The following RANBP2 variants were observed in gnomAD, a reference collection of about 807,000 sequenced individuals.
RANBP2 encodes E3 SUMO-protein ligase RanBP2.
Under a neutral mutation model 303.6 loss-of-function variants are expected in RANBP2, and 57 were observed. That is an observed-to-expected ratio of 0.19 (90% CI 0.15 to 0.23). The LOEUF (loss-of-function observed/expected upper bound fraction) is 0.23. Among genes scored for constraint, RANBP2 ranks in the 10% least tolerant of loss-of-function variants. The pLI, the probability that RANBP2 is intolerant of heterozygous loss-of-function variation, is 1.00. For missense variants in RANBP2, 3,138 were observed against 3,780.8 expected (o/e 0.83, Z 4.46); for synonymous variants, 1,167 against 1,301.5 (o/e 0.90, Z 2.23).
chr2:109,503,259 A>G, the RANBP2 span: 2 of 152,204 alleles, frequency 1.3e-5, no homozygotes, highest in East Asian at 3.9e-4. Flanking sequence ...TGAAGAAACT[A>G]GCCTTTGGTA....
At chr2:108,774,167 C>T (rs550611409) in intron 23 of RANBP2, among the ~76,000 whole-genome samples, 11 of 152,282 alleles carry the variant, frequency 7.2e-5, no homozygotes, top group Admixed American at 5.2e-4. Context: ...TGCATTCCAG[C>T]GTAAACCTCA....
At chr2:109,496,461 A>T in the RANBP2 span, among the ~76,000 whole-genome samples, 1 of 152,248 alleles carries the variant, frequency 6.6e-6, no homozygotes, top group African/African-American at 2.4e-5. Flanking sequence ...CAGGAAGTCC[A>T]GCTGGCTTCA....
chr2:108,938,500 T>G, the RANBP2 span, among the ~76,000 whole-genome samples: 8 of 152,342 alleles, frequency 5.3e-5, no homozygotes, highest in South Asian at 1.5e-3. Context: ...GAAAATAACG[T>G]GGCTTGCAAA....
At chr2:108,726,148 C>T (rs995358009) in intron 1 of RANBP2, among the ~76,000 whole-genome samples, 22 of 152,096 alleles carry the variant, frequency 1.4e-4, no homozygotes, top group African/African-American at 3.9e-4. Context: ...AAATTGCAAA[C>T]GGTTCTGAAT....
chr2:108,725,146 A>G (rs1313659538), intron 1 of RANBP2, among the ~76,000 whole-genome samples: 2 of 152,070 alleles, frequency 1.3e-5, no homozygotes, highest in African/African-American at 4.8e-5. Context: ...GCTTAAGTGA[A>G]TTCAGGTATT....
chr2:109,629,203 A>AAAAT, the RANBP2 span, among the ~76,000 whole-genome samples: 1,960 of 118,372 alleles, frequency 0.017, 88 homozygotes, highest in African/African-American at 0.053. Flanking sequence ...CTCCGTCTCA[A>AAAAT]AAATAAATAA....
At chr2:109,593,947 A>C in the RANBP2 span, among the ~76,000 whole-genome samples, 1 of 152,196 alleles carries the variant, frequency 6.6e-6, no homozygotes, top group South Asian at 2.1e-4. Context: ...AATCCTTACA[A>C]TACATCTGAG....
the RANBP2 span, among the ~76,000 whole-genome samples, chr2:109,392,786 A>AT: frequency 1.1e-4 from 17 of 152,164 alleles, no homozygotes; most frequent in South Asian, 3.3e-3. Flanking sequence ...AAGTGCTGAG[A>AT]TTACAGGCGT....
At chr2:109,380,958 G>A in the RANBP2 span, among the ~76,000 whole-genome samples, 1 of 152,252 alleles carries the variant, frequency 6.6e-6, no homozygotes, top group Non-Finnish European at 1.5e-5. Flanking sequence ...ATGTAGACCA[G>A]CAGGAGTCGT....
the RANBP2 span, among the ~76,000 whole-genome samples, chr2:109,316,240 C>G: frequency 6.6e-6 from 1 of 152,338 alleles, no homozygotes; most frequent in Non-Finnish European, 1.5e-5. Context: ...CGCAGCAGAT[C>G]TGCACAGCTC....
Position 108,772,489 on chromosome 2 carries a change from A to G in RANBP2, c.8021A>G (p.Asp2674Gly), listed in dbSNP as rs757053020. 1.3e-5 allele frequency: 21 copies of G among 1,611,932 alleles called. No individual in the cohort carries two copies. Among genetic ancestry groups the G allele is most frequent in the South Asian group, 3.3e-5 (3 of 90,970 alleles). The change falls in exon 22 of 29, where the codon GAT becomes GGT. Residue 2674 changes from aspartate (D) to glycine (G), a missense_variant and splice_region_variant. Asp to Gly is a moderately conservative substitution (Grantham distance 94, BLOSUM62 -1). Around this residue, in one of 20 missense-constraint regions of RANBP2, gnomAD observed 497 missense variants for 465.8 expected, o/e 1.07. Transcript: ENST00000283195. ...PDYVSEEEEDDEDFETAVKKL... is the reference protein window; with the variant it reads ...PDYVSEEEEDGEDFETAVKKL... ...TTCTTTTAATCAATTGTATTTTAAG[A>G]TGAAGATTTCGAAACAGCTGTCAAG...
At chr2:109,452,931 CGGGAGGCTGGTGCCGGGAGGCTGGTCCCT>C in the RANBP2 span, among the ~76,000 whole-genome samples, 2 of 148,534 alleles carry the variant, frequency 1.3e-5, no homozygotes, top group Non-Finnish European at 3.0e-5. Flanking sequence ...AGGCTGGTCC[CGGGAGGCTGGTGCCGGGAGGCTGGTCCCT>C]GGGAGGCTGG....
the RANBP2 span, among the ~76,000 whole-genome samples, chr2:109,222,079 A>G: frequency 1.3e-5 from 2 of 152,192 alleles, no homozygotes; most frequent in African/African-American, 2.4e-5. Context: ...GTTATGGTAA[A>G]TGAAACAAGC....
the RANBP2 span, chr2:109,585,074 G>A: frequency 1.8e-5 from 21 of 1,148,818 alleles, no homozygotes; most frequent in Non-Finnish European, 2.4e-5. Context: ...GCTATAAGGC[G>A]AATGTCTTGA....
Position 108,763,793 on chromosome 2 carries a change from A to G in RANBP2, c.3254A>G (p.Lys1085Arg), listed in dbSNP as rs1447229212. ...PLQGDGYSGA[K>R]PIPGGQTIGP... ...CAAGGAGATGGCTATAGTGGAGCCA[A>G]ACCAATTCCTGGTGGTCAAACCATT... is the stretch of plus-strand genomic sequence containing the variant. The change falls in exon 20 of 29, where the codon AAA becomes AGA. Residue 1085 changes from lysine (K) to arginine (R), a missense_variant. Lys to Arg is a conservative substitution (Grantham distance 26). This residue lies in a region of RANBP2 where 403 missense variants were observed against 376.7 expected (regional missense o/e 1.07). Coordinates refer to ENST00000283195, the MANE Select transcript of RANBP2 (RefSeq NM_006267.5). 1.2e-6 allele frequency: 2 copies of G among 1,614,110 alleles called. No individual in the cohort carries two copies. Among genetic ancestry groups the G allele is most frequent in the Non-Finnish European group, 1.7e-6 (2 of 1,179,996 alleles).
Position 108,763,301 on chromosome 2 carries a change from T to A in RANBP2, c.2762T>A (p.Met921Lys), listed in dbSNP as rs560817931. The A allele has an allele frequency of 6.2e-7, 1 of 1,613,964 alleles. No individual in the cohort carries two copies. Among genetic ancestry groups the A allele is most frequent in the South Asian group, 1.1e-5 (1 of 91,080 alleles). Residue 921 changes from methionine (M) to lysine (K), a missense_variant, in exon 20 of 29, where the codon ATG becomes AAG. Physicochemically the swap from Met to Lys is moderately conservative, Grantham distance 95. Coordinates refer to ENST00000283195, the MANE Select transcript of RANBP2 (RefSeq NM_006267.5). The stretch of plus-strand genomic sequence containing the variant: ...CATATTTATGCCTATCCGCAACAGA[T>A]GCACACACCGCCAGTGCAAAGCTCA... Reference protein sequence around the residue: ...QQHIYAYPQQMHTPPVQSSSA... With the variant: ...QQHIYAYPQQKHTPPVQSSSA...
At chr2:109,534,269 CTCA>C in the RANBP2 span, among the ~76,000 whole-genome samples, 1 of 152,266 alleles carries the variant, frequency 6.6e-6, no homozygotes, top group South Asian at 2.1e-4. Flanking sequence ...AGGTGCAATT[CTCA>C]TCTAGCTCTG....
intron 21 of RANBP2, 91 bp from the exon 22 acceptor site, chr2:108,772,398 G>C: frequency 1.1e-6 from 1 of 951,184 alleles, no homozygotes. Context: ...CAGATGTGGA[G>C]AGTGAGAAAT....
the RANBP2 span, among the ~76,000 whole-genome samples, chr2:109,429,711 C>T: frequency 6.6e-6 from 1 of 152,222 alleles, no homozygotes; most frequent in African/African-American, 2.4e-5. Context: ...CATGCGTGAC[C>T]ATGGACAGAA....
Sources: gnomAD v4.1 joint callset for allele counts (sites outside exome capture counted in the v4.1 genomes callset) on GRCh38, gnomAD v4.1.1 for gene constraint, gnomAD v4.1.1 regional missense constraint, MANE v1.5 for transcripts, NCBI Gene and HGNC (gene_info 2026-07-23, HGNC 2026-07-21) for gene names.